The following DIPK1C variants were observed in gnomAD, a reference collection of about 807,000 sequenced individuals.
The protein encoded by DIPK1C is familial non-conventional Alzheimer's dementia.
A neutral mutation model predicts 28.0 loss-of-function variants in DIPK1C; 33 were observed. The ratio of observed to expected loss-of-function variants is 1.18; its 90% confidence interval spans 0.89 to 1.58. The LOEUF (loss-of-function observed/expected upper bound fraction) is 1.58. Ranked by LOEUF, DIPK1C falls within the 40% of genes most tolerant of loss-of-function variation. The pLI is 0.00. For synonymous variants in DIPK1C, 255 were observed against 248.8 expected (o/e 1.02, Z -0.23); for missense variants, 569 against 568.5 (o/e 1.00, Z -0.01).
upstream of DIPK1C, among the ~76,000 whole-genome samples, chr18:74,460,142 G>C (rs569979463): frequency 1.8e-4 from 27 of 152,206 alleles, no homozygotes; most frequent in Non-Finnish European, 3.5e-4. Flanking sequence ...CCAGAGGAAG[G>C]GGGAGGAATG....
Position 74,457,234 on chromosome 18 carries a change from C to T in DIPK1C, c.26G>A (p.Gly9Asp). Residue 9 changes from glycine to aspartate, a missense_variant, in exon 1 of 4, where the codon GGC becomes GAC. Coordinates refer to ENST00000343998, the MANE Select transcript of DIPK1C (RefSeq NM_001044369.3). ...GCGCCTCCTGCACCACCCGGCAGGGCCCCGCGCGCCCGCCGCCCGCGCCAT... is the reference window on the plus strand; with the variant it reads ...GCGCCTCCTGCACCACCCGGCAGGGTCCCGCGCGCCCGCCGCCCGCGCCAT... MARAAGAR[G>D]PAGWCRRRGR... 1 of 1,035,210 alleles carries T rather than the reference C, an allele frequency of 9.7e-7. No individual in the cohort carries two copies. 64.1% of individuals were successfully genotyped at this position (1,035,210 alleles called of 1,614,324 possible).
At chr18:74,463,972 T>C in the DIPK1C span, among the ~76,000 whole-genome samples, 7 of 152,212 alleles carry the variant, frequency 4.6e-5, no homozygotes, top group Non-Finnish European at 1.0e-4. Context: ...AAATAATCTC[T>C]TAAAGATTCT....
chr18:74,447,359 G>C lies in DIPK1C; in HGVS notation c.199-76C>G. 2 of 1,382,616 alleles carry C rather than the reference G, an allele frequency of 1.4e-6. No individual in the cohort carries two copies. The highest frequency in any genetic ancestry group is 2.9e-5 in the South Asian group (2 of 69,488). The allele number at this position is 1,382,616 out of a possible 1,614,324, so 85.6% of individuals were successfully genotyped here. A position where few individuals can be genotyped will look rare whatever the true frequency, so the allele number is the denominator to read the frequency against. The stretch of plus-strand genomic sequence containing the variant: ...GTCTCTCGGCTCGGGTTAGGGAAGG[G>C]GACAGCCTAGCCTCTGCCCTCAGGA... On this transcript the variant is annotated intron_variant, in intron 1 of 3. Coordinates refer to ENST00000343998, the MANE Select transcript of DIPK1C (RefSeq NM_001044369.3). This position sits in a 1 kb window ranked among gnomAD's most constrained non-coding sequence, Gnocchi z 4.1.
At chr18:74,444,530 C>G (rs999445720) in intron 2 of DIPK1C, among the ~76,000 whole-genome samples, 3 of 152,224 alleles carry the variant, frequency 2.0e-5, no homozygotes, top group Non-Finnish European at 1.5e-5. Flanking sequence ...GTTTTGAAGA[C>G]AGGGATTGCT....
intron 2 of DIPK1C, among the ~76,000 whole-genome samples, chr18:74,442,666 C>T (rs186599406): frequency 2.8e-4 from 43 of 152,342 alleles, no homozygotes; most frequent in Non-Finnish European, 4.9e-4. Context: ...ATAGCTACAG[C>T]GGAAGGCTTT....
At chr18:74,451,959 C>A (rs1168240283) in intron 1 of DIPK1C, among the ~76,000 whole-genome samples, 2 of 152,194 alleles carry the variant, frequency 1.3e-5, no homozygotes. Context: ...ATCGCTTAGC[C>A]CAGCCTACCT....
chr18:74,447,376 C>G lies in DIPK1C; in HGVS notation c.199-93G>C, dbSNP rs1986298681. The G allele has an allele frequency of 1.6e-6, 2 of 1,247,258 alleles. No homozygotes were observed. The highest frequency in any genetic ancestry group is 3.0e-5 in the African/African-American group (2 of 65,944). The allele number at this position is 1,247,258 out of a possible 1,614,324, so 77.3% of individuals were successfully genotyped here. ...AGGGAAGGGGACAGCCTAGCCTCTG[C>G]CCTCAGGACGCTGATAATCCAGCTG... On this transcript the variant is annotated intron_variant, in intron 1 of 3. Coordinates refer to ENST00000343998, the MANE Select transcript of DIPK1C (RefSeq NM_001044369.3). This position sits in a 1 kb window ranked among gnomAD's most constrained non-coding sequence, Gnocchi z 4.1.
At chr18:74,457,725 C>CCG (rs2144535758), upstream of DIPK1C, 1 of 9,090 alleles carries the variant, frequency 1.1e-4, no homozygotes, top group African/African-American at 9.9e-4. Flanking sequence ...GCAGCGTTGT[C>CCG]CCCCCCCGTT....
intron 2 of DIPK1C, among the ~76,000 whole-genome samples, chr18:74,446,178 G>C (rs1015943882): frequency 6.6e-6 from 1 of 152,192 alleles, no homozygotes; most frequent in East Asian, 1.9e-4. Flanking sequence ...ACAGAGCATG[G>C]GCAGCTTGAG....
upstream of DIPK1C, among the ~76,000 whole-genome samples, chr18:74,461,344 T>TTTCCTTCCTTCCTTCCTTCCTTCCTTCC (rs35281614): frequency 1.7e-5 from 2 of 118,428 alleles, no homozygotes; most frequent in African/African-American, 6.5e-5. Flanking sequence ...TCCTTCCTTC[T>TTTCCTTCCTTCCTTCCTTCCTTCCTTCC]TTCCTTCCTT....
In DIPK1C at chr18:74,447,370, C is replaced by G; in HGVS notation, c.199-87G>C. Reference sequence around the variant, plus strand: ...CGGGTTAGGGAAGGGGACAGCCTAGCCTCTGCCCTCAGGACGCTGATAATC... The same window carrying G: ...CGGGTTAGGGAAGGGGACAGCCTAGGCTCTGCCCTCAGGACGCTGATAATC... On this transcript the variant is annotated intron_variant, in intron 1 of 3. Coordinates refer to ENST00000343998, the MANE Select transcript of DIPK1C (RefSeq NM_001044369.3). The surrounding 1 kb of genome is among the most constrained non-coding windows in gnomAD (Gnocchi z 4.1). 7.7e-7 allele frequency: 1 copy of G among 1,305,088 alleles called. No homozygotes were observed. The highest frequency in any genetic ancestry group is 1.5e-5 in the South Asian group (1 of 65,768). 80.8% of individuals were successfully genotyped at this position (1,305,088 alleles called of 1,614,324 possible).
At position 74,436,411 on chromosome 18, in the gene DIPK1C, A is replaced by G. The variant is rs2278155; in HGVS notation, c.*90T>C. ...ACCAGAACGGCACCCCAGAGAGCAC[A>G]GGGGAAATGGCTCATCTTTAAAACA... On this transcript the variant is annotated 3_prime_UTR_variant, in exon 4 of 4. Transcript: ENST00000343998. The G allele has an allele frequency of 0.6, 765,769 of 1,285,234 alleles. 233,091 individuals are homozygous for G. The highest frequency in any genetic ancestry group is 0.71 in the African/African-American group (47,976 of 67,150). The allele number at this position is 1,285,234 out of a possible 1,614,324, so 79.6% of individuals were successfully genotyped here. A position where few individuals can be genotyped will look rare whatever the true frequency, so the allele number is the denominator to read the frequency against.
chr18:74,446,785 T>G lies in DIPK1C; in HGVS notation c.697A>C (p.Arg233=). ...GCCCGGTCCAGGGGGAAGAGTGCCC[T>G]GTGGTGGGGGCTGCCCGCGGCCAGG... ...EFLAAGSPHH[R]ALFPLDRAPG... is the part of the protein sequence containing the mutation. Residue 233 remains arginine (R), a synonymous_variant, in exon 2 of 4, where the codon AGG becomes CGG. Coordinates refer to ENST00000343998, the MANE Select transcript of DIPK1C (RefSeq NM_001044369.3). The G allele has an allele frequency of 6.7e-7, 1 of 1,501,212 alleles. No individual in the cohort carries two copies. The allele number at this position is 1,501,212 out of a possible 1,614,324, so 93.0% of individuals were successfully genotyped here. A position where few individuals can be genotyped will look rare whatever the true frequency, so the allele number is the denominator to read the frequency against.
At chr18:74,443,042 G>A (rs1412263711) in intron 2 of DIPK1C, among the ~76,000 whole-genome samples, 2 of 152,158 alleles carry the variant, frequency 1.3e-5, no homozygotes, top group East Asian at 3.8e-4. Flanking sequence ...AGACGACAAA[G>A]TGGGGGAAAT....
At chr18:74,460,353 CTTGTTT>C (rs569186124), upstream of DIPK1C, among the ~76,000 whole-genome samples, 28 of 152,276 alleles carry the variant, frequency 1.8e-4, no homozygotes, top group East Asian at 5.2e-3. Context: ...TTCCATCGTA[CTTGTTT>C]TTGTTTTTGT....
chr18:74,456,665 C>G (rs1986520957), intron 1 of DIPK1C, among the ~76,000 whole-genome samples: 1 of 152,212 alleles, frequency 6.6e-6, no homozygotes, highest in Admixed American at 6.5e-5. Context: ...GCGTGGCACC[C>G]CGGATCCCGA....
chr18:74,440,213 G>A (rs1599035122), intron 3 of DIPK1C, among the ~76,000 whole-genome samples: 2 of 152,118 alleles, frequency 1.3e-5, no homozygotes, highest in East Asian at 3.9e-4. Context: ...CAAAGTGCTA[G>A]GATTATGGGA....
intron 3 of DIPK1C, among the ~76,000 whole-genome samples, chr18:74,439,340 C>A (rs999432122): frequency 1.3e-5 from 2 of 152,160 alleles, no homozygotes; most frequent in Admixed American, 1.3e-4. Context: ...GCCTGGCCAG[C>A]CAGTTTACCA....
At chr18:74,445,792 C>T (rs1986246745) in intron 2 of DIPK1C, among the ~76,000 whole-genome samples, 1 of 152,224 alleles carries the variant, frequency 6.6e-6, no homozygotes, top group Non-Finnish European at 1.5e-5. Flanking sequence ...ATCCCGCACC[C>T]ATGACATGCC....
Sources: allele counts gnomAD v4.1 joint callset (sites outside exome capture counted in the v4.1 genomes callset), GRCh38; gene constraint gnomAD v4.1.1; non-coding constraint Gnocchi (gnomAD v3.1); transcripts MANE v1.5; gene names NCBI Gene and HGNC (gene_info 2026-07-23, HGNC 2026-07-21).